TSEN2: variants seen among roughly 807,000 people sequenced by gnomAD.
TSEN2 encodes the protein tRNA-splicing endonuclease subunit Sen2.
A neutral mutation model predicts 59.2 loss-of-function variants in TSEN2; 54 were observed. The ratio of observed to expected loss-of-function variants is 0.91; its 90% confidence interval spans 0.73 to 1.14. The LOEUF is 1.14. TSEN2 is among the 50% of genes most tolerant of loss of function. TSEN2 has a pLI of 0.00. For synonymous variants in TSEN2, 195 were observed against 198.2 expected (o/e 0.98, Z 0.14); for missense variants, 636 against 576.2 (o/e 1.10, Z -1.06).
intron 3 of TSEN2, among the ~76,000 whole-genome samples, chr3:12,493,965 G>C (rs551326198): frequency 3.9e-5 from 6 of 152,254 alleles, no homozygotes; most frequent in African/African-American, 1.4e-4. Flanking sequence ...GAACTCTTAA[G>C]TTTAGGTCTT....
At chr3:12,524,322 G>A (rs2056905889) in intron 8 of TSEN2, among the ~76,000 whole-genome samples, 1 of 152,154 alleles carries the variant, frequency 6.6e-6, no homozygotes, top group African/African-American at 2.4e-5. Flanking sequence ...CAAATTGGGT[G>A]GCTTAAAAGC....
At chr3:12,536,667 A>T (rs1208995272), downstream of TSEN2, among the ~76,000 whole-genome samples, 1 of 152,120 alleles carries the variant, frequency 6.6e-6, no homozygotes, top group Non-Finnish European at 1.5e-5. Context: ...GATTTCCTTT[A>T]TTAGGGGCAA....
At chr3:12,487,886 T>C (rs1428108845) in intron 1 of TSEN2, among the ~76,000 whole-genome samples, 2 of 152,234 alleles carry the variant, frequency 1.3e-5, no homozygotes, top group African/African-American at 4.8e-5. Flanking sequence ...GCTCAGTATG[T>C]AATTCCTTCA....
At chr3:12,481,253 C>T (rs1433862001), upstream of TSEN2, among the ~76,000 whole-genome samples, 1 of 152,204 alleles carries the variant, frequency 6.6e-6, no homozygotes, top group Non-Finnish European at 1.5e-5. Context: ...AGTCCATCCT[C>T]CCTACTCTTG....
upstream of TSEN2, among the ~76,000 whole-genome samples, chr3:12,480,528 G>GGTTTTTTTTTTT (rs1553565213): frequency 0.01 from 957 of 91,750 alleles, 65 homozygotes; most frequent in African/African-American, 0.041. Context: ...TTGTTTCTTT[G>GGTTTTTTTTTTT]TTTTTTTTTT....
intron 10 of TSEN2, chr3:12,538,881 T>G (rs2057743343): frequency 7.8e-6 from 2 of 257,276 alleles, no homozygotes; most frequent in African/African-American, 4.7e-5. Context: ...CTTTCTGAAC[T>G]CTGCCTTTTC....
chr3:12,495,556 A>T (rs553188784), intron 3 of TSEN2, among the ~76,000 whole-genome samples: 8 of 152,292 alleles, frequency 5.3e-5, no homozygotes, highest in African/African-American at 1.7e-4. Context: ...TAGTGATTTG[A>T]TTGTTCAACC....
chr3:12,485,610 T>A (rs1052753914), intron 1 of TSEN2, among the ~76,000 whole-genome samples: 1 of 152,234 alleles, frequency 6.6e-6, no homozygotes, highest in Non-Finnish European at 1.5e-5. Flanking sequence ...GAAATTCTGA[T>A]GTAATTGATT....
chr3:12,503,806 G>A (rs1192107779), intron 5 of TSEN2, 22 bp downstream of exon 5: 18 of 1,608,994 alleles, frequency 1.1e-5, no homozygotes, highest in African/African-American at 5.3e-5. Flanking sequence ...AAAATAAATC[G>A]CTTCCTCCAA....
chr3:12,507,188 G>T (rs146547168), intron 6 of TSEN2, among the ~76,000 whole-genome samples: 1 of 152,138 alleles, frequency 6.6e-6, no homozygotes, highest in South Asian at 2.1e-4. Context: ...GTAAGACTCC[G>T]TCTCTAAAAT....
intron 6 of TSEN2, among the ~76,000 whole-genome samples, chr3:12,506,273 T>C (rs1488394105): frequency 6.6e-6 from 1 of 152,158 alleles, no homozygotes; most frequent in Non-Finnish European, 1.5e-5. Flanking sequence ...GCAGGATCCC[T>C]CTACTTAATG....
chr3:12,519,256 A>C, intron 8 of TSEN2, 59 bp downstream of exon 8: 2 of 1,603,990 alleles, frequency 1.2e-6, no homozygotes, highest in African/African-American at 2.7e-5. Context: ...TTCACCCTAG[A>C]ATATCAAATT....
At position 12,533,200 on chromosome 3, in the gene TSEN2, A is replaced by T. The variant is rs545591051; in HGVS notation, c.*479A>T. 1.2e-5 allele frequency: 2 copies of T among 168,752 alleles called. No homozygotes were observed. The highest frequency in any genetic ancestry group is 4.9e-5 in the African/African-American group (2 of 40,630). 10.5% of individuals were successfully genotyped at this position (168,752 alleles called of 1,614,324 possible). A position where few individuals can be genotyped will look rare whatever the true frequency, so the allele number is the denominator to read the frequency against. On this transcript the variant is annotated 3_prime_UTR_variant, in exon 12 of 12. Transcript: ENST00000284995. ...ACAACAGTATTGTACAATATTCGAT[A>T]AGCATATCTTCACTGCACTTGTTAT...
chr3:12,521,581 G>C (rs2056640366), intron 8 of TSEN2, among the ~76,000 whole-genome samples: 1 of 152,096 alleles, frequency 6.6e-6, no homozygotes. Context: ...TGGGTGTGGT[G>C]GTGCATGCCT....
intron 6 of TSEN2, chr3:12,514,990 C>G (rs1333285894): frequency 2.6e-5 from 4 of 152,160 alleles, no homozygotes; most frequent in Admixed American, 2.0e-4. Context: ...TTGATTCAGT[C>G]TTGGGCCATC....
chr3:12,515,303 G>A (rs955732849), intron 6 of TSEN2, among the ~76,000 whole-genome samples: 2 of 152,218 alleles, frequency 1.3e-5, no homozygotes, highest in Non-Finnish European at 2.9e-5. Context: ...TGAGCAGTTT[G>A]TCAGTGCGTT....
intron 8 of TSEN2, among the ~76,000 whole-genome samples, chr3:12,523,141 G>A (rs920749033): frequency 1.3e-5 from 2 of 152,146 alleles, no homozygotes; most frequent in Non-Finnish European, 2.9e-5. Flanking sequence ...CCTAAGTCAT[G>A]TTGCCTGCCA....
intron 8 of TSEN2, among the ~76,000 whole-genome samples, chr3:12,522,143 T>C (rs1249177370): frequency 7.2e-5 from 11 of 152,354 alleles, no homozygotes; most frequent in African/African-American, 2.6e-4. Context: ...ACTGTGGTTC[T>C]TTTGTCTGCA....
rs299645 is a variant in TSEN2, at chr3:12,533,436, G to A, written c.*715G>A. Reference sequence around the variant, plus strand: ...TTGGGAGGCCTTGGGAGGCCAAGGCGCATGGATCGCTTGAGCCCAGGAGTT... The same window carrying A: ...TTGGGAGGCCTTGGGAGGCCAAGGCACATGGATCGCTTGAGCCCAGGAGTT... On this transcript the variant is annotated 3_prime_UTR_variant, in exon 12 of 12. Transcript: ENST00000284995. 63,678 of 152,498 alleles carry A rather than the reference G, an allele frequency of 0.42. 14,350 individuals are homozygous for A. Among genetic ancestry groups the A allele is most frequent in the African/African-American group, 0.58 (24,182 of 41,432 alleles). The allele number at this position is 152,498 out of a possible 1,614,324, so 9.4% of individuals were successfully genotyped here.
Sources: allele counts gnomAD v4.1 joint callset (sites outside exome capture counted in the v4.1 genomes callset), GRCh38; gene constraint gnomAD v4.1.1; transcripts MANE v1.5; gene names NCBI Gene and HGNC (gene_info 2026-07-23, HGNC 2026-07-21).